The following CEP192 variants were observed in gnomAD, a reference collection of about 807,000 sequenced individuals.
CEP192 encodes the protein centrosomal protein 192.
Under a neutral mutation model 271.8 loss-of-function variants are expected in CEP192, and 151 were observed. The ratio of observed to expected loss-of-function variants is 0.56; its 90% CI spans 0.49 to 0.64. The LOEUF (loss-of-function observed/expected upper bound fraction) is 0.64. CEP192 is among the 30% of genes least tolerant of loss of function. CEP192 has a pLI of 0.00. For synonymous variants in CEP192, 995 were observed against 1,076.5 expected, an observed-to-expected ratio of 0.92 and a Z score of 1.48; for missense variants, 2,910 against 3,020.5, an observed-to-expected ratio of 0.96 and a Z score of 0.86.
At chr18:13,065,079 A>T (rs2037620634) in intron 21 of CEP192, among the ~76,000 whole-genome samples, 1 of 152,106 alleles carries the variant, frequency 6.6e-6, no homozygotes, top group Non-Finnish European at 1.5e-5. Context: ...TTTTTCACAT[A>T]GTTCAGTGCT....
intron 27 of CEP192, 88 bp from the exon 28 acceptor site, chr18:13,070,951 C>A (rs1283956318): frequency 1.9e-6 from 2 of 1,043,176 alleles, no homozygotes; most frequent in Non-Finnish European, 2.9e-6. Context: ...GCACCCAGTT[C>A]AGTCTTTTGG....
At chr18:13,114,308 A>T in intron 42 of CEP192, 57 bp downstream of exon 42, 5 of 1,572,264 alleles carry the variant, frequency 3.2e-6, no homozygotes, top group Non-Finnish European at 4.3e-6. Flanking sequence ...TGAGGAATAG[A>T]GTCAGTAAAA....
chr18:13,097,236 CAG>C (rs901637994), intron 36 of CEP192, among the ~76,000 whole-genome samples: 3 of 152,112 alleles, frequency 2.0e-5, no homozygotes, highest in Non-Finnish European at 4.4e-5. Flanking sequence ...ATGGGTTTAG[CAG>C]GGGAAGACAA....
chr18:13,000,091 C>CTCTCTTTTTTTTT lies in CEP192; in HGVS notation c.164+504_164+505insCTCTTTTTTTTTT, dbSNP rs1555698196. ...CTCTGTATAACTCATTGTCTTCTCT[C>CTCTCTTTTTTTTT]TTTTTTTTTTTTTTTTTTTTTTTTT... is the stretch of plus-strand genomic sequence containing the variant. On this transcript the variant is annotated intron_variant, in intron 2 of 44. Coordinates refer to ENST00000506447, the MANE Select transcript of CEP192 (RefSeq NM_032142.4). 1.9e-3 allele frequency among the ~76,000 whole-genome samples: 144 copies of CTCTCTTTTTTTTT among 76,742 alleles called. 26 individuals carry two copies. Among genetic ancestry groups the CTCTCTTTTTTTTT allele is most frequent in the East Asian group, 4.6e-3 (12 of 2,628 alleles). The allele number at this position is 76,742 out of a possible 152,430, so 50.3% of individuals were successfully genotyped here.
At chr18:13,116,602 T>G in intron 43 of CEP192, 99 bp downstream of exon 43, 1 of 1,219,296 alleles carries the variant, frequency 8.2e-7, no homozygotes, top group Non-Finnish European at 1.1e-6. Context: ...ATTTAAGTTG[T>G]AAGAATGAGG....
intron 40 of CEP192, among the ~76,000 whole-genome samples, chr18:13,111,852 C>T (rs946891971): frequency 5.9e-5 from 9 of 152,088 alleles, no homozygotes; most frequent in African/African-American, 2.2e-4. Flanking sequence ...TACAAGTGGT[C>T]AATAAACATG....
chr18:13,081,219 C>T (rs1415251443), intron 30 of CEP192, among the ~76,000 whole-genome samples: 1 of 152,090 alleles, frequency 6.6e-6, no homozygotes, highest in African/African-American at 2.4e-5. Flanking sequence ...GAAATGGTAC[C>T]AGCTCCTCTT....
intron 44 of CEP192, among the ~76,000 whole-genome samples, chr18:13,123,464 C>T (rs889044468): frequency 6.6e-6 from 1 of 152,144 alleles, no homozygotes; most frequent in Non-Finnish European, 1.5e-5. Flanking sequence ...ACCTCATGCC[C>T]GGTGTACTCT....
At position 13,095,649 on chromosome 18, in the gene CEP192, C is replaced by T. The variant is rs1426078069; in HGVS notation, c.6401C>T (p.Pro2134Leu). The change falls in exon 35 of 45, where the codon CCC becomes CTC. Residue 2134 changes from proline to leucine, a missense_variant. Transcript: ENST00000506447. The part of the protein sequence containing the change: ...LASEEPWTVL[P>L]EHLILVAPSP... Reference sequence around the variant, plus strand: ...TCCGAAGAGCCGTGGACTGTCCTACCCGAGCACTTGATTCTGGTAGCTCCT... The same window carrying T: ...TCCGAAGAGCCGTGGACTGTCCTACTCGAGCACTTGATTCTGGTAGCTCCT... 4.3e-6 allele frequency: 7 copies of T among 1,613,400 alleles called. No individual in the cohort carries two copies. Among genetic ancestry groups the T allele is most frequent in the Non-Finnish European group, 5.1e-6 (6 of 1,179,880 alleles).
chr18:13,028,531 A>G (rs190603444), intron 9 of CEP192, among the ~76,000 whole-genome samples: 27 of 152,064 alleles, frequency 1.8e-4, no homozygotes, highest in African/African-American at 6.3e-4. Flanking sequence ...TTATTTATTT[A>G]TTTTTGAGAC....
At chr18:13,067,782 C>A in intron 21 of CEP192, 49 bp from the exon 22 acceptor site, 1 of 1,493,644 alleles carries the variant, frequency 6.7e-7, no homozygotes, top group Non-Finnish European at 9.3e-7. Context: ...ACATGTTGTG[C>A]TATTAATATA....
intron 8 of CEP192, 143 bp from the exon 9 acceptor site, chr18:13,018,939 C>T (rs1313971381): frequency 1.4e-6 from 1 of 710,152 alleles, no homozygotes; most frequent in Admixed American, 3.8e-5. Context: ...TGCTTATTTT[C>T]TCTCTACGAA....
intron 42 of CEP192, 83 bp downstream of exon 42, chr18:13,114,334 C>A (rs2040339467): frequency 1.4e-6 from 2 of 1,440,558 alleles, no homozygotes; most frequent in African/African-American, 1.4e-5. Flanking sequence ...GATGACTTTA[C>A]CTGAGTTCAC....
intron 30 of CEP192, 43 bp downstream of exon 30, chr18:13,073,228 C>A: frequency 6.7e-7 from 1 of 1,489,464 alleles, no homozygotes; most frequent in Non-Finnish European, 9.1e-7. Context: ...GGAGTTTATG[C>A]CATTTTATAA....
chr18:13,001,317 G>A, intron 2 of CEP192, 140 bp from the exon 3 acceptor site: 1 of 592,564 alleles, frequency 1.7e-6, no homozygotes, highest in Non-Finnish European at 2.9e-6. Context: ...TTTGCACAGA[G>A]GATGATGGTT....
intron 3 of CEP192, among the ~76,000 whole-genome samples, chr18:13,007,196 C>A (rs1259636549): frequency 6.6e-6 from 1 of 152,288 alleles, no homozygotes; most frequent in South Asian, 2.1e-4. Context: ...TGGGTTAGGA[C>A]TGGTAGTTCT....
chr18:13,096,231 A>G lies in CEP192; in HGVS notation c.6481A>G (p.Arg2161Gly), dbSNP rs2039392000. 1 of 1,614,166 alleles carries G rather than the reference A, an allele frequency of 6.2e-7. No individual in the cohort carries two copies. The highest frequency in any genetic ancestry group is 8.5e-7 in the Non-Finnish European group (1 of 1,179,992). Residue 2161 changes from arginine to glycine, a missense_variant, in exon 36 of 45, where the codon AGG becomes GGG. Arg to Gly is a moderately radical substitution (Grantham distance 125, BLOSUM62 -2). Transcript: ENST00000506447. ...TTTCCAGATTGTGAATAACTCTGTG[A>G]GGTTACTGAGATTTGAGCTGTGCTG... ...GRFQIVNNSV[R>G]LLRFELCWPA...
At chr18:13,041,243 C>T (rs931535558) in intron 14 of CEP192, among the ~76,000 whole-genome samples, 3 of 151,914 alleles carry the variant, frequency 2.0e-5, no homozygotes, top group African/African-American at 4.8e-5. Context: ...GTTAATTAAT[C>T]GTAGATATAA....
At position 13,073,059 on chromosome 18, in the gene CEP192, C is replaced by G; in HGVS notation, c.5490C>G (p.Ile1830Met). 2 of 1,613,200 alleles carry G rather than the reference C, an allele frequency of 1.2e-6. No homozygotes were observed. The highest frequency in any genetic ancestry group is 1.7e-6 in the Non-Finnish European group (2 of 1,179,752). The change falls in exon 30 of 45, where the codon ATC becomes ATG. Residue 1830 changes from isoleucine (I) to methionine (M), a missense_variant. Transcript: ENST00000506447. ...SEQRLTSNCE[I>M]RIHPKEDIFI... ...AGCGATTGACCAGTAACTGTGAGAT[C>G]AGAATTCACCCAAAGGAAGACATTT...
Sources: gnomAD v4.1 joint callset for allele counts (sites outside exome capture counted in the v4.1 genomes callset) on GRCh38, gnomAD v4.1.1 for gene constraint, MANE v1.5 for transcripts, NCBI Gene and HGNC (gene_info 2026-07-23, HGNC 2026-07-21) for gene names.